The following GAB2 variants were observed in gnomAD, a reference collection of about 807,000 sequenced individuals.
The protein encoded by GAB2 is GRB2 associated binding protein 2.
A neutral mutation model predicts 65.5 loss-of-function variants in GAB2; 26 were observed. The ratio of observed to expected loss-of-function variants is 0.40; its 90% confidence interval spans 0.29 to 0.55. The LOEUF (loss-of-function observed/expected upper bound fraction) is 0.55. GAB2 is among the 20% of genes least tolerant of loss of function. GAB2 has a pLI of 0.53. For missense variants in GAB2, 884 were observed against 875.8 expected (o/e 1.01, Z -0.12); for synonymous variants, 321 against 329.6 (o/e 0.97, Z 0.28).
At chr11:78,383,268 G>A (rs539662275) in intron 1 of GAB2, among the ~76,000 whole-genome samples, 14 of 151,782 alleles carry the variant, frequency 9.2e-5, no homozygotes, top group Middle Eastern at 3.4e-3. Flanking sequence ...GCAAAACTCC[G>A]TCTCAAAAAA....
In GAB2 at chr11:78,335,223, T is replaced by C. The variant is rs370617881; in HGVS notation, c.76-54322A>G. 2.6e-5 allele frequency among the ~76,000 whole-genome samples: 4 copies of C among 152,244 alleles called. No individual in the cohort carries two copies. In the South Asian group the frequency reaches 8.3e-4, roughly 31 times the overall value. On this transcript the variant is annotated intron_variant, in intron 1 of 9. Transcript: ENST00000361507. ...TCATTTTAGGGATTGTCTCCTTTGC[T>C]GTTCAGAAGCTTGTTAACTTGATGT...
At chr11:78,242,851 C>T (rs905695606) in intron 3 of GAB2, among the ~76,000 whole-genome samples, 10 of 151,976 alleles carry the variant, frequency 6.6e-5, no homozygotes, top group African/African-American at 2.2e-4. Context: ...CAAGAAAAAA[C>T]GGGAAAAGAT....
intron 1 of GAB2, among the ~76,000 whole-genome samples, chr11:78,400,324 C>T (rs946360967): frequency 6.6e-6 from 1 of 152,184 alleles, no homozygotes; most frequent in Admixed American, 6.5e-5. Context: ...TTTGCCTTCA[C>T]GCAACTTGGT....
chr11:78,387,028 T>G (rs1215730930), intron 1 of GAB2, among the ~76,000 whole-genome samples: 1 of 152,154 alleles, frequency 6.6e-6, no homozygotes, highest in Non-Finnish European at 1.5e-5. Flanking sequence ...GTTACCAAAA[T>G]AATGAATGAA....
chr11:78,381,685 AG>A (rs1164202889), intron 1 of GAB2, among the ~76,000 whole-genome samples: 2 of 152,068 alleles, frequency 1.3e-5, no homozygotes, highest in Admixed American at 1.3e-4. Context: ...AAAAAAAAAA[AG>A]GTTCCATGTT....
At chr11:78,325,014 C>T (rs902191851) in intron 1 of GAB2, among the ~76,000 whole-genome samples, 1 of 152,160 alleles carries the variant, frequency 6.6e-6, no homozygotes, top group East Asian at 1.9e-4. Flanking sequence ...AATATTTACA[C>T]CATGGGAATT....
chr11:78,318,628 A>G (rs1855663384), intron 1 of GAB2, among the ~76,000 whole-genome samples: 1 of 152,156 alleles, frequency 6.6e-6, no homozygotes. Flanking sequence ...TCCCACAGAT[A>G]AAGGCAGGAA....
intron 2 of GAB2, among the ~76,000 whole-genome samples, chr11:78,277,638 G>C (rs984099191): frequency 6.6e-6 from 1 of 152,242 alleles, no homozygotes; most frequent in Non-Finnish European, 1.5e-5. Context: ...AAGTGGGCAT[G>C]TGTACAGCTT....
At chr11:78,401,214 G>A (rs1008994174) in intron 1 of GAB2, among the ~76,000 whole-genome samples, 1 of 151,866 alleles carries the variant, frequency 6.6e-6, no homozygotes, top group Non-Finnish European at 1.5e-5. Flanking sequence ...TCACATTGCT[G>A]TTGCCACCAT....
intron 1 of GAB2, among the ~76,000 whole-genome samples, chr11:78,297,336 T>C (rs1038150835): frequency 6.6e-6 from 1 of 152,070 alleles, no homozygotes; most frequent in Non-Finnish European, 1.5e-5. Flanking sequence ...GAAAATAACA[T>C]ATTTTTAAGT....
intron 2 of GAB2, among the ~76,000 whole-genome samples, chr11:78,250,618 G>A (rs924374567): frequency 6.6e-6 from 1 of 152,104 alleles, no homozygotes; most frequent in Non-Finnish European, 1.5e-5. Context: ...GTAGCCTGGA[G>A]GTGACTTCCT....
rs148249903 is a variant in GAB2 at position 78,222,390 on chromosome 11, C to T, written c.1568-195G>A. ...GCCTTGAAGTCATGTCTTCAGATTCCAAATTATATATTCTTTCTGCTGTAT... is the reference window on the plus strand; with the variant it reads ...GCCTTGAAGTCATGTCTTCAGATTCTAAATTATATATTCTTTCTGCTGTAT... On this transcript the variant is annotated intron_variant, in intron 6 of 9. Coordinates refer to ENST00000361507, the MANE Select transcript of GAB2 (RefSeq NM_080491.3). Among the ~76,000 whole-genome samples the T allele has an allele frequency of 5.9e-4, 90 of 152,030 alleles. 1 individual carries two copies. The highest frequency in any genetic ancestry group is 5.2e-3 in the East Asian group (27 of 5,176).
intron 1 of GAB2, among the ~76,000 whole-genome samples, chr11:78,375,460 T>C (rs1291770023): frequency 6.6e-6 from 1 of 152,150 alleles, no homozygotes; most frequent in Non-Finnish European, 1.5e-5. Flanking sequence ...AAATATTTGT[T>C]GGAAAATGTT....
rs1366302345 is a variant in GAB2, at chr11:78,216,183, G to A, written c.*3089C>T. On this transcript the variant is annotated 3_prime_UTR_variant, in exon 10 of 10. Coordinates refer to ENST00000361507, the MANE Select transcript of GAB2 (RefSeq NM_080491.3). Reference sequence around the variant, plus strand: ...CAGACAGGCAGATCAAGGACTTAAGGAGACACCATCTCCCTATTTCTCATC... The same window carrying A: ...CAGACAGGCAGATCAAGGACTTAAGAAGACACCATCTCCCTATTTCTCATC... The A allele has an allele frequency of 6.6e-6, 1 of 152,650 alleles. No homozygotes were observed. The highest frequency in any genetic ancestry group is 1.9e-4 in the East Asian group (1 of 5,176). 9.5% of individuals were successfully genotyped at this position (152,650 alleles called of 1,614,324 possible).
intron 2 of GAB2, among the ~76,000 whole-genome samples, chr11:78,252,889 A>C (rs1227924943): frequency 6.6e-6 from 1 of 152,160 alleles, no homozygotes; most frequent in East Asian, 1.9e-4. Context: ...TCCAAGCCAG[A>C]AGTCCAGGCA....
intron 1 of GAB2, among the ~76,000 whole-genome samples, chr11:78,329,817 A>G (rs1465543074): frequency 6.6e-6 from 1 of 152,198 alleles, no homozygotes; most frequent in Non-Finnish European, 1.5e-5. Context: ...GTTGGTTGGT[A>G]TGTACGATAG....
At chr11:78,250,086 A>G in intron 3 of GAB2, 71 bp downstream of exon 3, 3 of 1,498,450 alleles carry the variant, frequency 2.0e-6, no homozygotes, top group East Asian at 2.3e-5. Context: ...TCTTTAAAAA[A>G]GCAAGGACTG....
chr11:78,324,884 A>G (rs1855795201), intron 1 of GAB2: 1 of 152,150 alleles, frequency 6.6e-6, no homozygotes. Context: ...AAAGTCATTA[A>G]TTTTACAGTG....
intron 3 of GAB2, among the ~76,000 whole-genome samples, chr11:78,249,663 G>C (rs1865392511): frequency 6.6e-6 from 1 of 152,122 alleles, no homozygotes; most frequent in Non-Finnish European, 1.5e-5. Flanking sequence ...TTGAAATGTG[G>C]CTAGTACAAC....
Sources: allele counts gnomAD v4.1 joint callset (sites outside exome capture counted in the v4.1 genomes callset), GRCh38; gene constraint gnomAD v4.1.1; transcripts MANE v1.5; gene names NCBI Gene and HGNC (gene_info 2026-07-23, HGNC 2026-07-21).